FTO: variants seen among roughly 807,000 people sequenced by gnomAD.
The protein encoded by FTO is FTO alpha-ketoglutarate dependent dioxygenase.
A neutral mutation model predicts 63.9 loss-of-function variants in FTO; 47 were observed. That is an observed-to-expected ratio of 0.74 (90% CI 0.58 to 0.94). The LOEUF (loss-of-function observed/expected upper bound fraction) is 0.94, where lower values mean the gene tolerates loss of function less well. Ranked by LOEUF, FTO falls within the 40% of genes least tolerant of loss-of-function variation. The pLI, the probability that FTO is intolerant of heterozygous loss-of-function variation, is 0.00. For synonymous variants in FTO, 207 were observed against 224.4 expected (o/e 0.92, Z 0.69); for missense variants, 562 against 618.1 (o/e 0.91, Z 0.96).
chr16:53,967,793 G>A (rs1186146418), intron 8 of FTO, among the ~76,000 whole-genome samples: 1 of 152,184 alleles, frequency 6.6e-6, no homozygotes, highest in African/African-American at 2.4e-5. Context: ...GAGCCGGGCT[G>A]TGACAGATAT....
chr16:53,973,512 C>T (rs539471633), intron 8 of FTO, among the ~76,000 whole-genome samples: 2 of 152,212 alleles, frequency 1.3e-5, no homozygotes, highest in South Asian at 4.2e-4. Context: ...TTTAGGTGAA[C>T]CCTAGTGCAA....
At chr16:54,109,558 T>C (rs2086830052) in intron 8 of FTO, among the ~76,000 whole-genome samples, 1 of 152,176 alleles carries the variant, frequency 6.6e-6, no homozygotes, top group Admixed American at 6.5e-5. Context: ...TTTCTGACTC[T>C]TGGCCTCAAG....
At chr16:54,080,634 C>G (rs2086119091) in intron 8 of FTO, among the ~76,000 whole-genome samples, 1 of 152,122 alleles carries the variant, frequency 6.6e-6, no homozygotes, top group Admixed American at 6.5e-5. Context: ...GACCCATCAC[C>G]CAAGAGTCTT....
At chr16:53,857,710 G>A (rs1203993696) in intron 4 of FTO, among the ~76,000 whole-genome samples, 1 of 152,110 alleles carries the variant, frequency 6.6e-6, no homozygotes, top group Non-Finnish European at 1.5e-5. Flanking sequence ...CAGGCTTCAG[G>A]GAGAGGTGAC....
chr16:53,821,167 T>C (rs1325513536), intron 2 of FTO, among the ~76,000 whole-genome samples: 1 of 152,184 alleles, frequency 6.6e-6, no homozygotes, highest in African/African-American at 2.4e-5. Context: ...CGTTTGTGCA[T>C]ATGAGTGCAT....
intron 8 of FTO, among the ~76,000 whole-genome samples, chr16:54,083,692 G>A (rs544668627): frequency 1.9e-4 from 29 of 152,270 alleles, no homozygotes; most frequent in Admixed American, 1.8e-3. Flanking sequence ...CCATTATGGA[G>A]CCTATTTGAG....
chr16:53,943,446 G>C (rs533790693), intron 8 of FTO, among the ~76,000 whole-genome samples: 1 of 152,122 alleles, frequency 6.6e-6, no homozygotes, highest in African/African-American at 2.4e-5. Flanking sequence ...TTTCTTAGGG[G>C]CAGTGCTTCT....
intron 1 of FTO, among the ~76,000 whole-genome samples, chr16:53,760,262 T>TGTGTG (rs1255020051): frequency 1.1e-5 from 1 of 90,568 alleles, no homozygotes; most frequent in African/African-American, 4.1e-5. Flanking sequence ...GTGTGTGTGT[T>TGTGTG]TTTTGGAGAC....
chr16:54,063,876 T>C (rs536774836), intron 8 of FTO: 2 of 152,256 alleles, frequency 1.3e-5, no homozygotes, highest in African/African-American at 4.8e-5. Context: ...ATCGCTATCG[T>C]TAATAAGATG....
chr16:53,714,040 A>G (rs985961764), intron 1 of FTO, among the ~76,000 whole-genome samples: 2 of 152,188 alleles, frequency 1.3e-5, no homozygotes, highest in African/African-American at 4.8e-5. Flanking sequence ...CAAGATAACC[A>G]TGCCTCCCCT....
At chr16:53,716,043 C>T (rs2075887207) in intron 1 of FTO, among the ~76,000 whole-genome samples, 1 of 152,142 alleles carries the variant, frequency 6.6e-6, no homozygotes, top group African/African-American at 2.4e-5. Flanking sequence ...AAATACTAGT[C>T]TACTGTGAAT....
At chr16:53,872,912 G>C (rs2080540019) in intron 4 of FTO, among the ~76,000 whole-genome samples, 1 of 152,172 alleles carries the variant, frequency 6.6e-6, no homozygotes, top group Non-Finnish European at 1.5e-5. Context: ...GATTTTGCCT[G>C]ACTTGTGGTA....
chr16:53,856,539 C>G (rs752524425), intron 4 of FTO, among the ~76,000 whole-genome samples: 1 of 151,996 alleles, frequency 6.6e-6, no homozygotes, highest in African/African-American at 2.4e-5. Context: ...CACTTGAGGT[C>G]AGGAGTTCGA....
At chr16:53,930,287 G>C (rs9929755) in intron 7 of FTO, among the ~76,000 whole-genome samples, 1 of 133,006 alleles carries the variant, frequency 7.5e-6, no homozygotes, top group Non-Finnish European at 1.5e-5. Context: ...GAAGTGGCGC[G>C]ATCTTGGCTC....
intron 8 of FTO, chr16:53,979,535 C>CTGTGTG (rs57334871): frequency 2.2e-4 from 81 of 373,350 alleles, no homozygotes; most frequent in African/African-American, 6.6e-4. Context: ...ATGTTTATGG[C>CTGTGTG]TGTGTGTGTG....
At chr16:53,825,783 G>C (rs772003837) in intron 2 of FTO, 81 bp from the exon 3 acceptor site, 9 of 1,543,718 alleles carry the variant, frequency 5.8e-6, no homozygotes, top group Non-Finnish European at 8.0e-6. Flanking sequence ...CTCCCCAAAT[G>C]CTTACAAAGA....
chr16:53,888,874 C>A lies in FTO; in HGVS notation c.1162C>A (p.Arg388=), dbSNP rs746048206. Residue 388 remains arginine (R), a synonymous_variant, in exon 7 of 9, where the codon CGA becomes AGA. Transcript: ENST00000471389. ...WLRQFWFQGN[R]YRKCTDWWCQ... ...GAGGCAGTTTTGGTTTCAAGGCAAT[C>A]GATACAGAAAGTGCACTGACTGGTG... 2 of 1,613,870 alleles carry A rather than the reference C, an allele frequency of 1.2e-6. No homozygotes were observed. Among genetic ancestry groups the A allele is most frequent in the South Asian group, 2.2e-5 (2 of 91,062 alleles).
At chr16:53,719,241 TTTC>T (rs1225574530) in intron 1 of FTO, among the ~76,000 whole-genome samples, 17 of 148,476 alleles carry the variant, frequency 1.1e-4, no homozygotes, top group Non-Finnish European at 2.1e-4. Flanking sequence ...TCTTCTTCTT[TTTC>T]TTCTTCTTCT....
chr16:54,032,918 C>T (rs965645160), intron 8 of FTO, among the ~76,000 whole-genome samples: 1 of 152,058 alleles, frequency 6.6e-6, no homozygotes, highest in Admixed American at 6.5e-5. Flanking sequence ...CACTCGATCT[C>T]TCTTGTGCCT....
Sources: allele counts gnomAD v4.1 joint callset (sites outside exome capture counted in the v4.1 genomes callset), GRCh38; gene constraint gnomAD v4.1.1; transcripts MANE v1.5; gene names NCBI Gene and HGNC (gene_info 2026-07-23, HGNC 2026-07-21).